The following SYNGR1 variants were observed in gnomAD, a reference collection of about 807,000 sequenced individuals.
SYNGR1 encodes synaptogyrin 1, also known as synaptogyrin-1.
In SYNGR1, 14 loss-of-function variants were observed where a neutral mutation model predicts 26.1. The observed-to-expected ratio is 0.54, with a 90% CI of 0.35 to 0.84. The LOEUF (loss-of-function observed/expected upper bound fraction) is 0.84, where lower values mean the gene tolerates loss of function less well. SYNGR1 is among the 40% of genes least tolerant of loss of function. The pLI is 0.01. For missense variants in SYNGR1, 319 were observed against 332.9 expected (o/e 0.96, Z 0.33); for synonymous variants, 141 against 150.1 (o/e 0.94, Z 0.44).
At chr22:39,371,903 A>G (rs948636936) in intron 1 of SYNGR1, among the ~76,000 whole-genome samples, 2 of 152,176 alleles carry the variant, frequency 1.3e-5, no homozygotes, top group African/African-American at 4.8e-5. Flanking sequence ...TATCTGCAAA[A>G]TGCTGATGGT....
At chr22:39,358,043 G>A (rs1212370013) in intron 1 of SYNGR1, among the ~76,000 whole-genome samples, 1 of 152,250 alleles carries the variant, frequency 6.6e-6, no homozygotes, top group Admixed American at 6.5e-5. Flanking sequence ...GGATCCACTA[G>A]GTGAAGCCAG....
rs6001562 is a variant in SYNGR1, at chr22:39,376,215, G to T, written c.483+18G>T. On this transcript the variant is annotated intron_variant, in intron 3 of 3. Coordinates refer to ENST00000328933, the MANE Select transcript of SYNGR1 (RefSeq NM_004711.5). ...TCACCTGGGTGAGTACAGCCACCGC[G>T]CACCAGCCCACACTCGTCCCCTTTC... 1.9e-6 allele frequency: 3 copies of T among 1,613,768 alleles called. No individual in the cohort carries two copies. The Admixed American group carries it at 5.0e-5, about 27-fold the overall frequency.
In SYNGR1 at chr22:39,359,698, G is replaced by A. The variant is rs191247856; in HGVS notation, c.99+9589G>A. On this transcript the variant is annotated intron_variant, in intron 1 of 3. Coordinates refer to ENST00000328933, the MANE Select transcript of SYNGR1 (RefSeq NM_004711.5). ...CTTGGTGTCAGTCCTCTCCAGCACT[G>A]CTCCTGCTCCAGTCCTGGTCATTGG... Among the ~76,000 whole-genome samples, 762 of 148,842 alleles carry A rather than the reference G, an allele frequency of 5.1e-3. 15 individuals carry two copies. The highest frequency in any genetic ancestry group is 0.032 in the South Asian group (150 of 4,698).
At chr22:39,362,417 G>A (rs1198818925) in intron 1 of SYNGR1, among the ~76,000 whole-genome samples, 1 of 2,656 alleles carries the variant, frequency 3.8e-4, no homozygotes, top group South Asian at 0.021. Context: ...GGTGTGAGGC[G>A]GGGTGGGGGA....
intron 1 of SYNGR1, among the ~76,000 whole-genome samples, chr22:39,363,419 G>A (rs1164903750): frequency 1.3e-5 from 2 of 152,086 alleles, no homozygotes; most frequent in Admixed American, 6.5e-5. Flanking sequence ...CTGCCCCAGG[G>A]TGGAGGGACT....
intron 3 of SYNGR1, chr22:39,378,150 C>G (rs1276689100): frequency 8.8e-7 from 1 of 1,132,334 alleles, no homozygotes; most frequent in Non-Finnish European, 1.1e-6. Context: ...ACCTCACTGT[C>G]CTTAGGGTTA....
intron 1 of SYNGR1, among the ~76,000 whole-genome samples, chr22:39,358,937 G>A (rs948371813): frequency 6.6e-6 from 1 of 152,254 alleles, no homozygotes; most frequent in South Asian, 2.1e-4. Context: ...CTGGAGAGAG[G>A]GGCGGCTGCG....
chr22:39,375,900 C>T (rs764267993), intron 2 of SYNGR1, 152 bp from the exon 3 acceptor site: 1 of 1,022,024 alleles, frequency 9.8e-7, no homozygotes, highest in African/African-American at 1.6e-5. Flanking sequence ...CTCTCTTCCC[C>T]TACCCCCTTT....
chr22:39,369,941 C>A (rs17001014), intron 1 of SYNGR1, among the ~76,000 whole-genome samples: 4,094 of 152,256 alleles, frequency 0.027, 135 homozygotes, highest in African/African-American at 0.073. Context: ...CCAGATTAGC[C>A]TAACATACCA....
Position 39,384,969 on chromosome 22 carries a change from G to A in SYNGR1, c.*3055G>A, listed in dbSNP as rs1486809783. 1 of 398,754 alleles carries A rather than the reference G, an allele frequency of 2.5e-6. No homozygotes were observed. Among genetic ancestry groups the A allele is most frequent in the Non-Finnish European group, 4.4e-6 (1 of 226,158 alleles). The allele number at this position is 398,754 out of a possible 1,614,324, so 24.7% of individuals were successfully genotyped here. ...GCCTGCACGGCTCCTATCCACCTGG[G>A]GGTGTCGCAGTTGAGGGGCTAATTC... On this transcript the variant is annotated 3_prime_UTR_variant, in exon 4 of 4. Transcript: ENST00000328933.
At chr22:39,372,270 C>CA (rs1189927339) in intron 1 of SYNGR1, among the ~76,000 whole-genome samples, 1 of 150,702 alleles carries the variant, frequency 6.6e-6, no homozygotes, top group African/African-American at 2.4e-5. Flanking sequence ...TAGCTGGGAC[C>CA]ACAGGCACGT....
intron 3 of SYNGR1, chr22:39,377,658 AGCAC>A (rs1925348259): frequency 6.2e-7 from 1 of 1,613,856 alleles, no homozygotes; most frequent in African/African-American, 1.3e-5. Context: ...GGAGGAGTAC[AGCAC>A]ACTGTTCCCT....
chr22:39,373,717 A>G (rs1925138470), intron 1 of SYNGR1, among the ~76,000 whole-genome samples: 2 of 150,824 alleles, frequency 1.3e-5, no homozygotes, highest in Non-Finnish European at 3.0e-5. Flanking sequence ...TGCTGAGCTC[A>G]AGTGATCCTC....
intron 1 of SYNGR1, among the ~76,000 whole-genome samples, chr22:39,354,266 A>G (rs942463076): frequency 4.6e-5 from 7 of 152,248 alleles, no homozygotes; most frequent in Non-Finnish European, 1.0e-4. Context: ...ATAATACCAC[A>G]TGGTTCTGTA....
chr22:39,369,277 C>A (rs938114123), intron 1 of SYNGR1, among the ~76,000 whole-genome samples: 7 of 152,066 alleles, frequency 4.6e-5, no homozygotes, highest in African/African-American at 1.4e-4. Context: ...AGTCCACGGC[C>A]CAAGCAGCTG....
chr22:39,384,738 G>A lies in SYNGR1; in HGVS notation c.*2824G>A. ...CCCTCCTGCAGCTGGACCCTGCAGGGTGGCTCCCTCCTCCCCATCAAGCAC... is the reference window on the plus strand; with the variant it reads ...CCCTCCTGCAGCTGGACCCTGCAGGATGGCTCCCTCCTCCCCATCAAGCAC... On this transcript the variant is annotated 3_prime_UTR_variant, in exon 4 of 4. Transcript: ENST00000328933. The A allele has an allele frequency of 2.5e-6, 1 of 399,086 alleles. No individual in the cohort carries two copies. The highest frequency in any genetic ancestry group is 3.5e-5 in the East Asian group (1 of 28,194). The allele number at this position is 399,086 out of a possible 1,614,324, so 24.7% of individuals were successfully genotyped here.
In SYNGR1 at chr22:39,377,580, C is replaced by T. The variant is rs562194364; in HGVS notation, c.483+1383C>T. ...GCAGCTCTTCCCCACTGGCCTCACC[C>T]CTACTCTCTCCTGGCAGAGCCTGAC... is the stretch of plus-strand genomic sequence containing the variant. On this transcript the variant is annotated intron_variant, in intron 3 of 3. Coordinates refer to ENST00000328933, the MANE Select transcript of SYNGR1 (RefSeq NM_004711.5). 1.6e-4 allele frequency: 262 copies of T among 1,612,662 alleles called. 3 individuals carry two copies. The South Asian group carries it at 2.7e-3, about 16-fold the overall frequency.
At chr22:39,372,227 GT>G (rs1925058321) in intron 1 of SYNGR1, among the ~76,000 whole-genome samples, 1 of 148,390 alleles carries the variant, frequency 6.7e-6, no homozygotes, top group Non-Finnish European at 1.5e-5. Context: ...CACCTCCTGG[GT>G]TCAAGCGATT....
chr22:39,350,495 C>T lies in SYNGR1; in HGVS notation c.99+386C>T, dbSNP rs1168886813. On this transcript the variant is annotated intron_variant, in intron 1 of 3. Transcript: ENST00000328933. The surrounding 1 kb of genome is among the most constrained non-coding windows in gnomAD (Gnocchi z 4.3). ...GGACGGAGCCAGGGTTTAAGGTGGC[C>T]TTTTTTGGGGGGTGGATCAGGGCGT... 6.6e-6 allele frequency among the ~76,000 whole-genome samples: 1 copy of T among 151,902 alleles called. No homozygotes were observed. The highest frequency in any genetic ancestry group is 1.5e-5 in the Non-Finnish European group (1 of 67,966).
Sources: gnomAD v4.1 joint callset for allele counts (sites outside exome capture counted in the v4.1 genomes callset) on GRCh38, gnomAD v4.1.1 for gene constraint, Gnocchi (gnomAD v3.1) non-coding constraint, MANE v1.5 for transcripts, NCBI Gene and HGNC (gene_info 2026-07-23, HGNC 2026-07-21) for gene names.